Variants in CYP2C8 observed in about 807,000 individuals in gnomAD.
CYP2C8 encodes cytochrome P450 2C8.
Under a neutral mutation model 41.3 loss-of-function variants are expected in CYP2C8, and 51 were observed. The ratio of observed to expected loss-of-function variants is 1.24; its 90% CI spans 0.99 to 1.56. CYP2C8 has a LOEUF of 1.56. Ranked by LOEUF, CYP2C8 falls within the 40% of genes most tolerant of loss-of-function variation. The probability of loss-of-function intolerance (pLI) is 0.00; values close to 1 mark genes in which losing one functional copy is unlikely to be tolerated. For missense variants in CYP2C8, 651 were observed against 579.9 expected (o/e 1.12, Z -1.26); for synonymous variants, 218 against 205.8 (o/e 1.06, Z -0.51).
chr10:95,049,066 A>T (rs1466285395), intron 5 of CYP2C8, among the ~76,000 whole-genome samples: 1 of 152,200 alleles, frequency 6.6e-6, no homozygotes, highest in Non-Finnish European at 1.5e-5. Flanking sequence ...TGCAAAATAT[A>T]CCTTCAACAA....
Position 95,067,203 on chromosome 10 carries a change from C to T in CYP2C8, c.481+5G>A, listed in dbSNP as rs368299637. ...AGGTCAATGACGCAGAGTAGAGTCA[C>T]CCACCCTTGGTTTTTCTCAACTCCT... On this transcript the variant is annotated splice_donor_5th_base_variant and intron_variant, in intron 3 of 8. Transcript: ENST00000371270. The T allele has an allele frequency of 5.6e-6, 9 of 1,613,928 alleles. No homozygotes were observed. Among genetic ancestry groups the T allele is most frequent in the Middle Eastern group, 1.6e-4 (1 of 6,080 alleles).
rs758345299 is a variant in CYP2C8 at position 95,037,171 on chromosome 10, A to G, written c.1430T>C (p.Val477Ala). The change falls in exon 9 of 9, where the codon GTT becomes GCT. Residue 477 changes from valine to alanine, a missense_variant. Coordinates refer to ENST00000371270, the MANE Select transcript of CYP2C8 (RefSeq NM_000770.3). ...LNTTAVTKGI[V>A]SLPPSYQICF... Reference sequence around the variant, plus strand: ...GATCTGGTATGAGGGTGGCAGAGAAACAATCCCTTTGGTAACTGCAGTAGT... The same window carrying G: ...GATCTGGTATGAGGGTGGCAGAGAAGCAATCCCTTTGGTAACTGCAGTAGT... 1.2e-6 allele frequency: 2 copies of G among 1,614,038 alleles called. No homozygotes were observed. Among genetic ancestry groups the G allele is most frequent in the South Asian group, 2.2e-5 (2 of 91,066 alleles).
At chr10:95,060,681 T>C (rs1426965054) in intron 4 of CYP2C8, among the ~76,000 whole-genome samples, 1 of 152,182 alleles carries the variant, frequency 6.6e-6, no homozygotes, top group Non-Finnish European at 1.5e-5. Flanking sequence ...CAACACTATG[T>C]TGAATAGGAG....
intron 5 of CYP2C8, 97 bp downstream of exon 5, chr10:95,058,238 C>T (rs1261258320): frequency 6.5e-7 from 1 of 1,546,162 alleles, no homozygotes; most frequent in Non-Finnish European, 8.9e-7. Context: ...GCATTACTGG[C>T]CTGATCATTT....
At chr10:95,066,776 C>T (rs1382610902) in intron 3 of CYP2C8, among the ~76,000 whole-genome samples, 2 of 152,166 alleles carry the variant, frequency 1.3e-5, no homozygotes, top group East Asian at 3.8e-4. Context: ...GCACATATAA[C>T]TTGGTTCATA....
At chr10:95,069,159 A>C in intron 1 of CYP2C8, 76 bp downstream of exon 1, 1 of 1,484,182 alleles carries the variant, frequency 6.7e-7, no homozygotes, top group Non-Finnish European at 9.4e-7. Flanking sequence ...TGCTTCCAGG[A>C]ATATATTTTG....
At chr10:95,047,593 T>C (rs1213324348) in intron 5 of CYP2C8, among the ~76,000 whole-genome samples, 3 of 152,098 alleles carry the variant, frequency 2.0e-5, no homozygotes, top group African/African-American at 7.2e-5. Flanking sequence ...AGGAATAAGT[T>C]CAGGAATAAA....
chr10:95,058,891 G>A (rs1255998033), intron 4 of CYP2C8, among the ~76,000 whole-genome samples: 2 of 151,966 alleles, frequency 1.3e-5, no homozygotes, highest in Non-Finnish European at 2.9e-5. Flanking sequence ...AGAATATGCA[G>A]TGTTTGGTTT....
chr10:95,038,433 T>C (rs1403903370), intron 8 of CYP2C8, among the ~76,000 whole-genome samples: 2 of 152,192 alleles, frequency 1.3e-5, no homozygotes, highest in African/African-American at 4.8e-5. Flanking sequence ...TACAATGACC[T>C]GTTTACTCTT....
Position 95,045,951 on chromosome 10 carries a change from C to T in CYP2C8, c.820G>A (p.Glu274Lys). The T allele has an allele frequency of 6.2e-7, 1 of 1,613,820 alleles. No individual in the cohort carries two copies. Among genetic ancestry groups the T allele is most frequent in the African/African-American group, 1.3e-5 (1 of 75,036 alleles). Residue 274 changes from glutamate (E) to lysine (K), a missense_variant and splice_region_variant, in exon 6 of 9, where the codon GAA (glutamate) becomes AAA (lysine). Transcript: ENST00000371270. The stretch of plus-strand genomic sequence containing the variant: ...AATTCTGACTTTTGGTTGTCCTTTT[C>T]CTAGAAGTGATTTCATGCAATTATC... ...IDCFLIKMEQ[E>K]KDNQKSEFNI...
intron 1 of CYP2C8, among the ~76,000 whole-genome samples, chr10:95,068,287 C>A (rs948648082): frequency 3.9e-5 from 6 of 152,190 alleles, no homozygotes; most frequent in Non-Finnish European, 8.8e-5. Flanking sequence ...CGATGAAGCA[C>A]CACAAAGTTA....
At chr10:95,059,212 T>G (rs1467037310) in intron 4 of CYP2C8, among the ~76,000 whole-genome samples, 2 of 152,202 alleles carry the variant, frequency 1.3e-5, no homozygotes, top group Non-Finnish European at 2.9e-5. Flanking sequence ...CCCTGAGGAA[T>G]CACCACACTG....
Position 95,061,330 on chromosome 10 carries a change from G to T in CYP2C8, c.643-2819C>A, listed in dbSNP as rs372602651. Among the ~76,000 whole-genome samples the T allele has an allele frequency of 5.3e-4, 81 of 152,268 alleles. No homozygotes were observed. In the East Asian group the frequency reaches 0.015, roughly 28 times the overall value. ...GCCTCAATTTCAGAGCCTGTTATTGGTCTATTCAGAGATTCAACTTCTTCC... is the reference window on the plus strand; with the variant it reads ...GCCTCAATTTCAGAGCCTGTTATTGTTCTATTCAGAGATTCAACTTCTTCC... On this transcript the variant is annotated intron_variant, in intron 4 of 8. Coordinates refer to ENST00000371270, the MANE Select transcript of CYP2C8 (RefSeq NM_000770.3).
intron 7 of CYP2C8, among the ~76,000 whole-genome samples, chr10:95,041,673 C>T (rs1424361603): frequency 6.7e-6 from 1 of 150,112 alleles, no homozygotes. Flanking sequence ...CCCAGCTACT[C>T]GGGAGGCTGA....
intron 4 of CYP2C8, 37 bp downstream of exon 4, chr10:95,064,763 T>C: frequency 6.2e-7 from 1 of 1,601,180 alleles, no homozygotes; most frequent in Non-Finnish European, 8.6e-7. Context: ...CAACCTTGAA[T>C]AAATGGTTTC....
At chr10:95,044,971 T>G (rs2033079988) in intron 6 of CYP2C8, among the ~76,000 whole-genome samples, 1 of 152,236 alleles carries the variant, frequency 6.6e-6, no homozygotes, top group South Asian at 2.1e-4. Context: ...TTTAGAAATT[T>G]GCCAAAGACT....
intron 5 of CYP2C8, among the ~76,000 whole-genome samples, chr10:95,052,586 G>A (rs547507056): frequency 6.6e-6 from 1 of 152,132 alleles, no homozygotes; most frequent in African/African-American, 2.4e-5. Flanking sequence ...ACATTAAAGA[G>A]CTCACTCATC....
chr10:95,043,324 TTAAG>T (rs764021082), intron 6 of CYP2C8, among the ~76,000 whole-genome samples: 4 of 152,072 alleles, frequency 2.6e-5, no homozygotes, highest in Admixed American at 6.5e-5. Flanking sequence ...CAATACAAAT[TTAAG>T]TAATACATTA....
At chr10:95,061,718 T>C (rs2033440585) in intron 4 of CYP2C8, among the ~76,000 whole-genome samples, 1 of 152,244 alleles carries the variant, frequency 6.6e-6, no homozygotes, top group African/African-American at 2.4e-5. Context: ...TCTAGTTCTT[T>C]CAATTGTGAT....
Sources: allele counts gnomAD v4.1 joint callset (sites outside exome capture counted in the v4.1 genomes callset), GRCh38; gene constraint gnomAD v4.1.1; transcripts MANE v1.5; gene names NCBI Gene and HGNC (gene_info 2026-07-23, HGNC 2026-07-21).